The following DOCK3 variants were observed in gnomAD, a reference collection of about 807,000 sequenced individuals.
DOCK3 encodes the protein dedicator of cytokinesis protein 3.
A neutral mutation model predicts 265.6 loss-of-function variants in DOCK3; 60 were observed. The observed-to-expected ratio is 0.23, with a 90% CI of 0.18 to 0.28. The LOEUF (loss-of-function observed/expected upper bound fraction) is 0.28, where lower values mean the gene tolerates loss of function less well. DOCK3 is among the 10% of genes least tolerant of loss of function. The pLI is 1.00. For missense variants in DOCK3, 1,981 were observed against 2,594.3 expected (o/e 0.76, Z 5.14); for synonymous variants, 881 against 938.0 (o/e 0.94, Z 1.11).
intron 7 of DOCK3, among the ~76,000 whole-genome samples, chr3:51,082,611 C>T (rs752081674): frequency 6.6e-6 from 1 of 152,202 alleles, no homozygotes; most frequent in Non-Finnish European, 1.5e-5. Flanking sequence ...ATTCAAGAGG[C>T]CTGGGGGACT....
chr3:50,745,610 AAACGCAT>A (rs1023002562), intron 1 of DOCK3, among the ~76,000 whole-genome samples: 4 of 152,214 alleles, frequency 2.6e-5, no homozygotes, highest in Admixed American at 1.3e-4. Context: ...AGACCGAACA[AAACGCAT>A]AACACTGAAT....
rs768948228 is a variant in DOCK3 at position 51,356,515 on chromosome 3, G to A, written c.4503+22G>A. On this transcript the variant is annotated intron_variant, in intron 43 of 52. Coordinates refer to ENST00000266037, the MANE Select transcript of DOCK3 (RefSeq NM_004947.5). ...ACTGGTGAGACATGTCTCAGATGAA[G>A]CTGAGCTTCACAACTGCTCCATCAG... The A allele has an allele frequency of 1.9e-6, 3 of 1,607,836 alleles. No individual in the cohort carries two copies. In the South Asian group the frequency reaches 3.3e-5, roughly 18 times the overall value.
At chr3:51,246,126 A>C (rs1249223799) in intron 21 of DOCK3, among the ~76,000 whole-genome samples, 2 of 152,122 alleles carry the variant, frequency 1.3e-5, no homozygotes, top group Non-Finnish European at 2.9e-5. Context: ...GGGACTGCAT[A>C]CTTTTATTCA....
intron 5 of DOCK3, among the ~76,000 whole-genome samples, chr3:50,940,872 A>G (rs1271937007): frequency 2.0e-5 from 3 of 152,164 alleles, no homozygotes; most frequent in African/African-American, 7.2e-5. Context: ...TTGGATATTC[A>G]TAGGCAAAAG....
intron 9 of DOCK3, among the ~76,000 whole-genome samples, chr3:51,102,873 T>G (rs1395183785): frequency 2.0e-5 from 3 of 152,200 alleles, no homozygotes; most frequent in Admixed American, 1.3e-4. Flanking sequence ...TCTAATGGCA[T>G]CTAGAGATAT....
chr3:50,770,828 T>A (rs1414254949), intron 1 of DOCK3, among the ~76,000 whole-genome samples: 1 of 152,168 alleles, frequency 6.6e-6, no homozygotes, highest in Non-Finnish European at 1.5e-5. Context: ...AGCGAACTCA[T>A]TTTCACCAAA....
chr3:51,161,172 C>T (rs1426958727), intron 12 of DOCK3, among the ~76,000 whole-genome samples: 10 of 151,434 alleles, frequency 6.6e-5, no homozygotes, highest in South Asian at 2.1e-4. Flanking sequence ...TGGCCGGGCA[C>T]GGTGGCTCAC....
At chr3:51,004,250 AC>A (rs2078586937) in intron 5 of DOCK3, among the ~76,000 whole-genome samples, 1 of 152,032 alleles carries the variant, frequency 6.6e-6, no homozygotes, top group South Asian at 2.1e-4. Flanking sequence ...GAATCCAGCT[AC>A]CACGTTGTGA....
chr3:51,169,244 C>G (rs1270696377), intron 12 of DOCK3, among the ~76,000 whole-genome samples: 6 of 151,992 alleles, frequency 3.9e-5, no homozygotes, highest in Non-Finnish European at 8.8e-5. Context: ...GGATATATAC[C>G]CAAAGAAATA....
In DOCK3 at chr3:50,781,215, T is replaced by TA. The variant is rs768356485; in HGVS notation, c.121+2468dup. Among the ~76,000 whole-genome samples, 645 of 116,656 alleles carry TA rather than the reference T, an allele frequency of 5.5e-3. 5 individuals are homozygous for TA. Among genetic ancestry groups the TA allele is most frequent in the Non-Finnish European group, 7.6e-3 (406 of 53,414 alleles). The allele number at this position is 116,656 out of a possible 152,430, so 76.5% of individuals were successfully genotyped here. On this transcript the variant is annotated intron_variant, in intron 2 of 52. Transcript: ENST00000266037. ...GAGACCAAAAAATAAAAAATAAAAA[T>TA]AAAAAAAAAAAGAATCCCACTGGGG...
At chr3:50,958,298 T>G (rs2076784051) in intron 5 of DOCK3, among the ~76,000 whole-genome samples, 1 of 152,230 alleles carries the variant, frequency 6.6e-6, no homozygotes, top group African/African-American at 2.4e-5. Flanking sequence ...CCCTGCTTGC[T>G]CAGTCTTGCA....
At chr3:50,690,935 C>CT (rs2107735926) in intron 1 of DOCK3, among the ~76,000 whole-genome samples, 1 of 152,004 alleles carries the variant, frequency 6.6e-6, no homozygotes, top group South Asian at 2.1e-4. Context: ...GCCACTGTGC[C>CT]TGGCCTCTAC....
At chr3:51,310,857 G>T (rs928388324) in intron 28 of DOCK3, among the ~76,000 whole-genome samples, 82 of 152,148 alleles carry the variant, frequency 5.4e-4, no homozygotes, top group African/African-American at 1.9e-3. Flanking sequence ...GGCTCATCTG[G>T]TCTCTCTCTA....
intron 4 of DOCK3, among the ~76,000 whole-genome samples, chr3:50,913,173 T>A (rs1304097186): frequency 6.6e-6 from 1 of 151,938 alleles, no homozygotes; most frequent in East Asian, 1.9e-4. Context: ...GGTGATCAAT[T>A]TATTTTGGAG....
chr3:50,863,097 C>T (rs1186404383), intron 3 of DOCK3, among the ~76,000 whole-genome samples: 1 of 152,132 alleles, frequency 6.6e-6, no homozygotes. Context: ...CTGCACTTCC[C>T]CCTCCCTTAT....
At chr3:51,207,979 T>C (rs997720877) in intron 12 of DOCK3, among the ~76,000 whole-genome samples, 2 of 152,182 alleles carry the variant, frequency 1.3e-5, no homozygotes, top group Non-Finnish European at 2.9e-5. Context: ...GAATTCCTAG[T>C]CTCTGTTCCT....
chr3:51,059,493 A>ACCC (rs759058614), intron 5 of DOCK3, among the ~76,000 whole-genome samples: 2 of 121,132 alleles, frequency 1.7e-5, no homozygotes, highest in African/African-American at 6.4e-5. Flanking sequence ...ACACACACAC[A>ACCC]CCCCACATCC....
intron 1 of DOCK3, among the ~76,000 whole-genome samples, chr3:50,707,092 T>C (rs2036456720): frequency 6.6e-6 from 1 of 152,196 alleles, no homozygotes; most frequent in Non-Finnish European, 1.5e-5. Flanking sequence ...GCTCTGGCTT[T>C]GCCTTCTGCC....
chr3:50,708,197 T>A (rs1466684684), intron 1 of DOCK3, among the ~76,000 whole-genome samples: 3 of 152,152 alleles, frequency 2.0e-5, no homozygotes, highest in African/African-American at 7.2e-5. Context: ...CCAGGCAGAC[T>A]GGTCTCCAGG....
Sources: gnomAD v4.1 joint callset for allele counts (sites outside exome capture counted in the v4.1 genomes callset) on GRCh38, gnomAD v4.1.1 for gene constraint, MANE v1.5 for transcripts, NCBI Gene and HGNC (gene_info 2026-07-23, HGNC 2026-07-21) for gene names.